Variants in CSMD3 observed in about 807,000 individuals in gnomAD.
CSMD3 encodes the protein CUB and sushi domain-containing protein 3.
A neutral mutation model predicts 435.2 loss-of-function variants in CSMD3; 177 were observed. The ratio of observed to expected loss-of-function variants is 0.41; its 90% confidence interval spans 0.36 to 0.46. The LOEUF (loss-of-function observed/expected upper bound fraction) is 0.46. CSMD3 is among the 20% of genes least tolerant of loss of function. The probability of loss-of-function intolerance (pLI) is 0.34; values close to 1 mark genes in which losing one functional copy is unlikely to be tolerated. For missense variants in CSMD3, 4,265 were observed against 4,504.6 expected, an observed-to-expected ratio of 0.95 and a Z score of 1.52; for synonymous variants, 1,656 against 1,520.5, an observed-to-expected ratio of 1.09 and a Z score of -2.07.
At chr8:112,723,304 A>G (rs2076899663) in intron 13 of CSMD3, among the ~76,000 whole-genome samples, 2 of 152,128 alleles carry the variant, frequency 1.3e-5, no homozygotes, top group African/African-American at 4.8e-5. Flanking sequence ...TTTCCTAAGG[A>G]AGAAACTATC....
chr8:113,115,355 G>C (rs956565625), intron 4 of CSMD3, among the ~76,000 whole-genome samples: 1 of 152,132 alleles, frequency 6.6e-6, no homozygotes, highest in Admixed American at 6.6e-5. Flanking sequence ...TGAATAGCTT[G>C]ATGAATTTTC....
chr8:113,173,005 A>G (rs1157219436), intron 4 of CSMD3, among the ~76,000 whole-genome samples: 2 of 152,182 alleles, frequency 1.3e-5, no homozygotes, highest in Non-Finnish European at 2.9e-5. Context: ...AATAGTATTG[A>G]TAGTAAACAA....
chr8:113,424,744 T>C lies in CSMD3; in HGVS notation c.178+11933A>G, dbSNP rs911260175. Among the ~76,000 whole-genome samples the C allele has an allele frequency of 5.3e-5, 8 of 151,576 alleles. No homozygotes were observed. The East Asian group carries it at 1.2e-3, about 22-fold the overall frequency. ...GATGGGAGTCAATAAACATTTTAAT[T>C]GGAAATTACAAGAGAAAATTACATT... On this transcript the variant is annotated intron_variant, in intron 1 of 70. Transcript: ENST00000297405.
At chr8:112,866,007 C>T (rs1187785827) in intron 10 of CSMD3, among the ~76,000 whole-genome samples, 1 of 152,052 alleles carries the variant, frequency 6.6e-6, no homozygotes, top group Admixed American at 6.6e-5. Context: ...GTAATTAATC[C>T]ACAAAGGATT....
At chr8:112,979,630 T>G (rs1212647935) in intron 6 of CSMD3, among the ~76,000 whole-genome samples, 1 of 151,564 alleles carries the variant, frequency 6.6e-6, no homozygotes, top group African/African-American at 2.4e-5. Flanking sequence ...TTTACTTTCA[T>G]TTTTGAAAAA....
intron 10 of CSMD3, among the ~76,000 whole-genome samples, chr8:112,918,967 A>G (rs1260095852): frequency 6.6e-6 from 1 of 151,946 alleles, no homozygotes; most frequent in African/African-American, 2.4e-5. Context: ...GTCCAGACTC[A>G]CAGTAGTCAT....
At position 112,732,064 on chromosome 8, in the gene CSMD3, GTGTA is replaced by G. The variant is rs1233446069; in HGVS notation, c.1973-42018_1973-42015del. Among the ~76,000 whole-genome samples, 5 of 152,082 alleles carry G rather than the reference GTGTA, an allele frequency of 3.3e-5. No homozygotes were observed. In the East Asian group the frequency reaches 7.8e-4, roughly 24 times the overall value. Reference sequence around the variant, plus strand: ...AAAGGCATTGTGTGAGTGTGTGTGTGTGTATGTATGTGTGTGTGTGTGGAGTGAT... The same window carrying G: ...AAAGGCATTGTGTGAGTGTGTGTGTGTGTATGTGTGTGTGTGTGGAGTGAT... On this transcript the variant is annotated intron_variant, in intron 13 of 70. Transcript: ENST00000297405.
intron 30 of CSMD3, among the ~76,000 whole-genome samples, chr8:112,496,656 A>T (rs185374835): frequency 2.0e-3 from 304 of 152,304 alleles, no homozygotes; most frequent in Middle Eastern, 3.4e-3. Context: ...AACAACATGG[A>T]TGGAACTGGA....
chr8:113,380,816 C>A (rs1297674547), intron 1 of CSMD3, among the ~76,000 whole-genome samples: 1 of 152,042 alleles, frequency 6.6e-6, no homozygotes, highest in Admixed American at 6.6e-5. Flanking sequence ...ATGTGCCACT[C>A]GGAGACCAGA....
intron 13 of CSMD3, among the ~76,000 whole-genome samples, chr8:112,711,399 C>T (rs916150757): frequency 3.9e-5 from 6 of 152,042 alleles, no homozygotes; most frequent in Non-Finnish European, 8.8e-5. Flanking sequence ...AATAATATGA[C>T]AGGAAAAGGT....
intron 5 of CSMD3, among the ~76,000 whole-genome samples, chr8:113,087,652 C>T (rs1280166200): frequency 5.9e-5 from 9 of 151,640 alleles, no homozygotes; most frequent in South Asian, 2.1e-4. Context: ...ACTGGCTAGC[C>T]ATATGTAGAA....
chr8:112,525,821 T>C (rs59476436), intron 27 of CSMD3, among the ~76,000 whole-genome samples: 1 of 132,520 alleles, frequency 7.5e-6, no homozygotes, highest in Non-Finnish European at 1.6e-5. Context: ...CACACACATA[T>C]AAAAAATATA....
At chr8:113,307,972 T>A (rs945962677) in intron 2 of CSMD3, among the ~76,000 whole-genome samples, 1 of 152,160 alleles carries the variant, frequency 6.6e-6, no homozygotes, top group African/African-American at 2.4e-5. Flanking sequence ...TTGACTCATC[T>A]CATTTCACAG....
chr8:113,073,682 A>G (rs2089223675), intron 5 of CSMD3, among the ~76,000 whole-genome samples: 1 of 151,892 alleles, frequency 6.6e-6, no homozygotes, highest in African/African-American at 2.4e-5. Flanking sequence ...TAAGTAGGAT[A>G]CAAAAGTGAC....
intron 4 of CSMD3, among the ~76,000 whole-genome samples, chr8:113,107,275 A>G (rs951943785): frequency 2.0e-5 from 3 of 152,194 alleles, no homozygotes; most frequent in East Asian, 1.9e-4. Context: ...GGCATTACAC[A>G]ATATGCCATG....
At chr8:112,296,479 G>A (rs1820286680) in intron 53 of CSMD3, among the ~76,000 whole-genome samples, 1 of 151,898 alleles carries the variant, frequency 6.6e-6, no homozygotes, top group Admixed American at 6.6e-5. Context: ...TGAACCGGAA[G>A]GTGGAGCTTG....
intron 2 of CSMD3, among the ~76,000 whole-genome samples, chr8:113,288,480 T>C (rs1363589599): frequency 6.6e-6 from 1 of 151,914 alleles, no homozygotes; most frequent in African/African-American, 2.4e-5. Flanking sequence ...CTCTTTATGC[T>C]ACAAATACTT....
intron 22 of CSMD3, among the ~76,000 whole-genome samples, chr8:112,630,942 T>A (rs1050449041): frequency 5.0e-5 from 7 of 140,586 alleles, no homozygotes; most frequent in African/African-American, 1.3e-4. Context: ...ACATCAGTAT[T>A]CACACACACA....
chr8:112,731,081 T>A (rs1013944951), intron 13 of CSMD3, among the ~76,000 whole-genome samples: 1 of 152,150 alleles, frequency 6.6e-6, no homozygotes, highest in Non-Finnish European at 1.5e-5. Flanking sequence ...TTTGAATTAA[T>A]CTAGTTGGAG....
Sources: gnomAD v4.1 joint callset for allele counts (sites outside exome capture counted in the v4.1 genomes callset) on GRCh38, gnomAD v4.1.1 for gene constraint, MANE v1.5 for transcripts, NCBI Gene and HGNC (gene_info 2026-07-23, HGNC 2026-07-21) for gene names.